The following GBP7 variants were observed in gnomAD, a reference collection of about 807,000 sequenced individuals.
GBP7 encodes guanylate-binding protein 7.
In GBP7, 43 loss-of-function variants were observed where a neutral mutation model predicts 61.3. The observed-to-expected ratio is 0.70, with a 90% CI of 0.55 to 0.91. The LOEUF (loss-of-function observed/expected upper bound fraction) is 0.91, where lower values mean the gene tolerates loss of function less well. Among genes scored for constraint, GBP7 ranks in the 40% least tolerant of loss-of-function variants. The probability of loss-of-function intolerance (pLI) is 0.00; values close to 1 mark genes in which losing one functional copy is unlikely to be tolerated. For synonymous variants in GBP7, 267 were observed against 271.0 expected (o/e 0.99, Z 0.14); for missense variants, 717 against 740.5 (o/e 0.97, Z 0.37).
At chr1:89,141,817 T>C (rs1221270038) in intron 8 of GBP7, among the ~76,000 whole-genome samples, 169 bp from the exon 9 acceptor site, 1 of 152,192 alleles carries the variant, frequency 6.6e-6, no homozygotes, top group South Asian at 2.1e-4. Flanking sequence ...AAGTCCAAGC[T>C]CTTTGTTGAG....
chr1:89,156,580 T>C (rs1162202933), intron 3 of GBP7, among the ~76,000 whole-genome samples: 2 of 152,086 alleles, frequency 1.3e-5, no homozygotes, highest in Non-Finnish European at 2.9e-5. Flanking sequence ...AAACAGACTT[T>C]AAACAAACAA....
chr1:89,167,990 C>G (rs921412059), intron 2 of GBP7, among the ~76,000 whole-genome samples: 1 of 152,160 alleles, frequency 6.6e-6, no homozygotes, highest in Non-Finnish European at 1.5e-5. Context: ...CTCATGCACA[C>G]TTCTCAATTG....
At chr1:89,154,330 G>A (rs1429644312) in intron 3 of GBP7, among the ~76,000 whole-genome samples, 1 of 152,116 alleles carries the variant, frequency 6.6e-6, no homozygotes, top group Non-Finnish European at 1.5e-5. Context: ...AATTTTTGCA[G>A]TATGAAAGCC....
chr1:89,168,937 C>A (rs1647520499), intron 2 of GBP7, among the ~76,000 whole-genome samples: 1 of 151,502 alleles, frequency 6.6e-6, no homozygotes, highest in African/African-American at 2.4e-5. Flanking sequence ...CCATTGCACT[C>A]CAGCCTGGGC....
In GBP7 at chr1:89,164,776, G is replaced by A. The variant is rs1274763766; in HGVS notation, c.273C>T (p.His91=). Reference sequence around the variant, plus strand: ...CCTCCGTGTCCAGAAGGATCAGGGTGTGGTTTGGCTTGGAGGGGTGGGGCA... The same window carrying A: ...CCTCCGTGTCCAGAAGGATCAGGGTATGGTTTGGCTTGGAGGGGTGGGGCA... ...WCVPHPSKPN[H]TLILLDTEGL... The change falls in exon 3 of 11, where the codon CAC becomes CAT. Residue 91 remains histidine, a synonymous_variant. Coordinates refer to ENST00000294671, the MANE Select transcript of GBP7 (RefSeq NM_207398.3). The A allele has an allele frequency of 6.2e-7, 1 of 1,614,010 alleles. No individual in the cohort carries two copies. Among genetic ancestry groups the A allele is most frequent in the Admixed American group, 1.7e-5 (1 of 60,026 alleles).
At chr1:89,150,011 T>C (rs1296232521) in intron 6 of GBP7, among the ~76,000 whole-genome samples, 1 of 152,186 alleles carries the variant, frequency 6.6e-6, no homozygotes, top group Admixed American at 6.5e-5. Flanking sequence ...TGTGAGAAGC[T>C]CTTTTCTATA....
intron 9 of GBP7, 106 bp from the exon 10 acceptor site, chr1:89,133,557 C>T (rs1681727199): frequency 1.2e-6 from 1 of 862,258 alleles, no homozygotes; most frequent in South Asian, 1.6e-5. Flanking sequence ...CACTGAGAGA[C>T]CAGACCGTAA....
chr1:89,155,521 T>G (rs1385024524), intron 3 of GBP7, among the ~76,000 whole-genome samples: 1 of 152,182 alleles, frequency 6.6e-6, no homozygotes, highest in Non-Finnish European at 1.5e-5. Flanking sequence ...AATAACCTGA[T>G]GGAGCTGGAA....
rs748840195 is a variant in GBP7, at chr1:89,149,541, A to C, written c.903T>G (p.Asp301Glu). 1.2e-6 allele frequency: 2 copies of C among 1,614,052 alleles called. No individual in the cohort carries two copies. Among genetic ancestry groups the C allele is most frequent in the South Asian group, 2.2e-5 (2 of 91,072 alleles). The change falls in exon 7 of 11, where the codon GAT (aspartate) becomes GAG (glutamate). Residue 301 changes from aspartate (D) to glutamate (E), a missense_variant. Around this residue, in one of 3 missense-constraint regions of GBP7, gnomAD observed 387 missense variants for 385.2 expected, o/e 1.00. Transcript: ENST00000294671. ...RLGMLVETYL[D>E]AINSGATPCL... ...AAGGAGTCGCTCCACTGTTGATGGC[A>C]TCCAGGTAGGTCTCCACCAGCATCC... is the stretch of plus-strand genomic sequence containing the variant.
chr1:89,148,667 C>A (rs1312182151), intron 7 of GBP7, among the ~76,000 whole-genome samples: 1 of 152,084 alleles, frequency 6.6e-6, no homozygotes, highest in Admixed American at 6.5e-5. Flanking sequence ...AGAGAGGTTC[C>A]CCTGAGCATA....
intron 3 of GBP7, among the ~76,000 whole-genome samples, chr1:89,161,837 CT>C (rs1647277611): frequency 6.6e-6 from 1 of 152,096 alleles, no homozygotes; most frequent in Non-Finnish European, 1.5e-5. Context: ...ATCGTGACAT[CT>C]TTGCCCATGC....
chr1:89,135,746 A>G (rs1012218297), intron 9 of GBP7, among the ~76,000 whole-genome samples: 1 of 152,212 alleles, frequency 6.6e-6, no homozygotes, highest in Non-Finnish European at 1.5e-5. Context: ...AGCACACTTC[A>G]GTACATGGAT....
At chr1:89,146,274 C>T (rs1682062289) in intron 8 of GBP7, among the ~76,000 whole-genome samples, 1 of 152,038 alleles carries the variant, frequency 6.6e-6, no homozygotes, top group Non-Finnish European at 1.5e-5. Flanking sequence ...ACACAAATGT[C>T]AACTAAAAAT....
In GBP7 at chr1:89,131,932, A is replaced by G; in HGVS notation, c.*217T>C. The G allele has an allele frequency of 2.4e-6, 1 of 409,196 alleles. No homozygotes were observed. The highest frequency in any genetic ancestry group is 5.5e-5 in the South Asian group (1 of 18,060). 25.3% of individuals were successfully genotyped at this position (409,196 alleles called of 1,614,324 possible). ...ATATTACCATTTGTCCTTTTGCTTT[A>G]CTTAAATCTTTTCTAGGAATAATTT... On this transcript the variant is annotated 3_prime_UTR_variant, in exon 11 of 11. Coordinates refer to ENST00000294671, the MANE Select transcript of GBP7 (RefSeq NM_207398.3).
At chr1:89,157,419 T>C (rs1485629194) in intron 3 of GBP7, among the ~76,000 whole-genome samples, 1 of 152,074 alleles carries the variant, frequency 6.6e-6, no homozygotes, top group Non-Finnish European at 1.5e-5. Flanking sequence ...ATCAAGGAGC[T>C]GGTTTTTGGA....
intron 2 of GBP7, among the ~76,000 whole-genome samples, chr1:89,167,171 A>G (rs616098): frequency 0.7 from 106,342 of 151,970 alleles, 37,409 homozygotes; most frequent in East Asian, 0.78. Context: ...TGGAATGATC[A>G]TCAGCCCCTG....
At chr1:89,151,517 A>G (rs1682198173) in intron 5 of GBP7, among the ~76,000 whole-genome samples, 1 of 152,266 alleles carries the variant, frequency 6.6e-6, no homozygotes, top group Non-Finnish European at 1.5e-5. Flanking sequence ...TCTGTGACAT[A>G]TATCAGTTAT....
chr1:89,132,123 G>T lies in GBP7; in HGVS notation c.*26C>A, dbSNP rs191691472. ...ATATACTTTTAAAATGAGCAACAGCGTTATACCATTTTAACAAAAGAAACC... is the reference window on the plus strand; with the variant it reads ...ATATACTTTTAAAATGAGCAACAGCTTTATACCATTTTAACAAAAGAAACC... On this transcript the variant is annotated 3_prime_UTR_variant, in exon 11 of 11. Transcript: ENST00000294671. The T allele has an allele frequency of 6.3e-7, 1 of 1,575,066 alleles. No individual in the cohort carries two copies. The highest frequency in any genetic ancestry group is 8.6e-7 in the Non-Finnish European group (1 of 1,159,902).
chr1:89,142,264 T>C (rs2100640710), intron 8 of GBP7, among the ~76,000 whole-genome samples: 1 of 152,246 alleles, frequency 6.6e-6, no homozygotes, highest in African/African-American at 2.4e-5. Context: ...TTGAGAAACT[T>C]TTTTTTCTCT....
Sources: allele counts gnomAD v4.1 joint callset (sites outside exome capture counted in the v4.1 genomes callset), GRCh38; gene constraint gnomAD v4.1.1; regional missense constraint gnomAD v4.1.1; transcripts MANE v1.5; gene names NCBI Gene and HGNC (gene_info 2026-07-23, HGNC 2026-07-21).